The following TTC7A variants were observed in gnomAD, a reference collection of about 807,000 sequenced individuals.
TTC7A encodes the protein tetratricopeptide repeat protein 7A.
TTC7A carries 110 observed loss-of-function variants against 103.7 expected under a neutral mutation model. The ratio of observed to expected loss-of-function variants is 1.06; its 90% CI spans 0.91 to 1.24. The LOEUF (loss-of-function observed/expected upper bound fraction) is 1.24, where lower values mean the gene tolerates loss of function less well. TTC7A is among the 50% of genes most tolerant of loss of function. The pLI is 0.00. For missense variants in TTC7A, 1,340 were observed against 1,116.3 expected (o/e 1.20, Z -2.86); for synonymous variants, 521 against 467.9 (o/e 1.11, Z -1.47).
intron 3 of TTC7A, among the ~76,000 whole-genome samples, chr2:46,973,251 C>T (rs756671943): frequency 2.0e-5 from 3 of 152,080 alleles, no homozygotes; most frequent in Admixed American, 6.6e-5. Context: ...CTTGTCCTCG[C>T]GTTTTATGGA....
At chr2:46,983,636 G>GT (rs1674709858) in intron 5 of TTC7A, among the ~76,000 whole-genome samples, 2 of 152,258 alleles carry the variant, frequency 1.3e-5, no homozygotes, top group Admixed American at 1.3e-4. Context: ...TGGGGCAGTT[G>GT]TGCCTGTAAG....
intron 16 of TTC7A, chr2:47,047,116 G>A: frequency 1.6e-6 from 1 of 615,758 alleles, no homozygotes; most frequent in South Asian, 2.0e-5. Flanking sequence ...CCTAGGCTTA[G>A]CCTATGTGGC....
intron 1 of TTC7A, among the ~76,000 whole-genome samples, chr2:46,947,379 T>C (rs988619506): frequency 5.3e-5 from 8 of 152,218 alleles, no homozygotes; most frequent in South Asian, 2.1e-4. Flanking sequence ...GTCACTCTTA[T>C]GGTTTAGAGA....
Position 47,006,725 on chromosome 2 carries a change from G to T in TTC7A, c.1287+1G>T, listed in dbSNP as rs771067566. The T allele has an allele frequency of 1.2e-5, 19 of 1,612,708 alleles. No individual in the cohort carries two copies. The highest frequency in any genetic ancestry group is 1.6e-5 in the Non-Finnish European group (19 of 1,178,648). On this transcript the variant is annotated splice_donor_variant, in intron 10 of 19. Transcript: ENST00000319190. LOFTEE classifies it high-confidence loss of function. ...CCTCTCCATGGTGGCTTGTGGGAAG[G>T]TAAGGCCCAGGGGGCGCTAGGGGTT...
Position 47,074,139 on chromosome 2 carries a change from C to A in TTC7A, c.*216C>A. 3.4e-6 allele frequency: 2 copies of A among 585,426 alleles called. No homozygotes were observed. Among genetic ancestry groups the A allele is most frequent in the Non-Finnish European group, 6.1e-6 (2 of 328,298 alleles). The allele number at this position is 585,426 out of a possible 1,614,324, so 36.3% of individuals were successfully genotyped here. A position where few individuals can be genotyped will look rare whatever the true frequency, so the allele number is the denominator to read the frequency against. ...GCCTTGGGAAACAGTCTGACTTGAA[C>A]CCTAAGTGCCTTTGGAGAGTTTTGT... On this transcript the variant is annotated 3_prime_UTR_variant, in exon 20 of 20. Transcript: ENST00000319190.
intron 2 of TTC7A, among the ~76,000 whole-genome samples, chr2:46,927,316 C>T (rs1469186077): frequency 1.3e-5 from 2 of 150,334 alleles, no homozygotes; most frequent in Non-Finnish European, 3.0e-5. Flanking sequence ...CTGTAGAAAA[C>T]CAAAGAAAAA....
chr2:46,987,219 C>T (rs1448477606), intron 5 of TTC7A, among the ~76,000 whole-genome samples: 1 of 152,216 alleles, frequency 6.6e-6, no homozygotes, highest in African/African-American at 2.4e-5. Flanking sequence ...AGCCTCGCCC[C>T]AGGCAGTTCG....
upstream of TTC7A, among the ~76,000 whole-genome samples, chr2:46,940,835 G>C (rs959728696): frequency 1.3e-5 from 2 of 152,136 alleles, no homozygotes; most frequent in African/African-American, 2.4e-5. This position sits in a 1 kb window ranked among gnomAD's most constrained non-coding sequence, Gnocchi z 4.7. Flanking sequence ...GCTCGCCGTC[G>C]GGGTTGGGGC....
At chr2:46,975,246 T>A in intron 4 of TTC7A, 143 bp downstream of exon 4, 1 of 1,100,346 alleles carries the variant, frequency 9.1e-7, no homozygotes, top group Non-Finnish European at 1.3e-6. Flanking sequence ...ACTTCATAGT[T>A]GGAAAACTCA....
At chr2:47,006,801 G>A in intron 10 of TTC7A, 77 bp downstream of exon 10, 1 of 1,212,462 alleles carries the variant, frequency 8.2e-7, no homozygotes, top group Admixed American at 1.7e-5. Flanking sequence ...GGGCTTTTCT[G>A]GCCAGGGGAG....
chr2:46,984,019 G>A (rs1194484824), intron 5 of TTC7A, among the ~76,000 whole-genome samples: 1 of 152,166 alleles, frequency 6.6e-6, no homozygotes, highest in Admixed American at 6.5e-5. Context: ...ATGCCACTTA[G>A]GAAGGGCTAA....
intron 19 of TTC7A, among the ~76,000 whole-genome samples, chr2:47,066,642 T>A (rs1573085966): frequency 6.6e-6 from 1 of 152,350 alleles, no homozygotes; most frequent in Middle Eastern, 3.4e-3. Flanking sequence ...GCTTGAGGGT[T>A]ACTTTCCTCA....
chr2:47,034,372 G>C (rs1177853969), intron 15 of TTC7A: 1 of 152,298 alleles, frequency 6.6e-6, no homozygotes, highest in Non-Finnish European at 1.5e-5. Flanking sequence ...ATGCCTGTGT[G>C]AGTCCTTTCT....
At chr2:47,002,227 A>T (rs1011362630) in intron 8 of TTC7A, among the ~76,000 whole-genome samples, 26 of 152,198 alleles carry the variant, frequency 1.7e-4, no homozygotes, top group Admixed American at 9.8e-4. Context: ...CTGGGATTAA[A>T]TGCATGGATT....
chr2:46,976,815 C>A (rs35597921), intron 4 of TTC7A, among the ~76,000 whole-genome samples: 14,264 of 152,218 alleles, frequency 0.094, 883 homozygotes, highest in Admixed American at 0.15. Context: ...GGCAAAGTCA[C>A]CCCCCTGCTG....
intron 2 of TTC7A, among the ~76,000 whole-genome samples, chr2:46,921,882 G>T (rs1669123207): frequency 6.8e-6 from 1 of 148,032 alleles, no homozygotes; most frequent in African/African-American, 2.6e-5. Context: ...GACACTGACA[G>T]GAGGCATAGC....
intron 5 of TTC7A, among the ~76,000 whole-genome samples, chr2:46,987,844 T>C (rs113087406): frequency 1.6e-5 from 2 of 125,526 alleles, no homozygotes; most frequent in Non-Finnish European, 3.4e-5. Context: ...GTGTGTGTGT[T>C]TGTGTGTGTC....
intron 19 of TTC7A, chr2:47,068,370 T>C (rs950102004): frequency 1.3e-5 from 2 of 152,192 alleles, no homozygotes; most frequent in African/African-American, 4.8e-5. Flanking sequence ...GGCTTCTTTC[T>C]CTGTGTTCAT....
chr2:46,976,681 G>A (rs1363224923), intron 4 of TTC7A, among the ~76,000 whole-genome samples: 1 of 152,156 alleles, frequency 6.6e-6, no homozygotes, highest in Non-Finnish European at 1.5e-5. Flanking sequence ...GAGGGCGGGG[G>A]GCTGCCGTGT....
Sources: gnomAD v4.1 joint callset for allele counts (sites outside exome capture counted in the v4.1 genomes callset) on GRCh38, gnomAD v4.1.1 for gene constraint, Gnocchi (gnomAD v3.1) non-coding constraint, MANE v1.5 for transcripts, NCBI Gene and HGNC (gene_info 2026-07-23, HGNC 2026-07-21) for gene names.